Variants in DOCK3 observed in about 807,000 individuals in gnomAD.
DOCK3 encodes the protein dedicator of cytokinesis 3.
In DOCK3, 60 loss-of-function variants were observed where a neutral mutation model predicts 265.6. That is an observed-to-expected ratio of 0.23 (90% CI 0.18 to 0.28). The LOEUF is 0.28. Among genes scored for constraint, DOCK3 ranks in the 10% least tolerant of loss-of-function variants. The probability of loss-of-function intolerance (pLI) is 1.00; values close to 1 mark genes in which losing one functional copy is unlikely to be tolerated. For missense variants in DOCK3, 1,981 were observed against 2,594.3 expected (o/e 0.76, Z 5.14); for synonymous variants, 881 against 938.0 (o/e 0.94, Z 1.11).
chr3:51,172,000 A>G (rs776849812), intron 12 of DOCK3, among the ~76,000 whole-genome samples: 1 of 152,120 alleles, frequency 6.6e-6, no homozygotes, highest in Non-Finnish European at 1.5e-5. Context: ...TTATATATTT[A>G]GATGCTCTAA....
At chr3:51,039,973 A>G (rs2080418416) in intron 5 of DOCK3, among the ~76,000 whole-genome samples, 1 of 128,364 alleles carries the variant, frequency 7.8e-6, no homozygotes, top group Admixed American at 8.5e-5. Flanking sequence ...ACTACTTTTT[A>G]TATTATTAGC....
intron 3 of DOCK3, among the ~76,000 whole-genome samples, chr3:50,888,560 C>G (rs1553694547): frequency 6.6e-6 from 1 of 152,160 alleles, no homozygotes; most frequent in Non-Finnish European, 1.5e-5. Flanking sequence ...CAAGTCAATC[C>G]TAAGCCGAAA....
At chr3:51,058,590 C>T (rs1411572038) in intron 5 of DOCK3, among the ~76,000 whole-genome samples, 2 of 152,094 alleles carry the variant, frequency 1.3e-5, no homozygotes, top group East Asian at 1.9e-4. Flanking sequence ...ATACATAATA[C>T]GTATATGCCA....
At chr3:50,806,567 G>C (rs946407488) in intron 2 of DOCK3, among the ~76,000 whole-genome samples, 1 of 151,614 alleles carries the variant, frequency 6.6e-6, no homozygotes, top group Non-Finnish European at 1.5e-5. Context: ...TGTTCACCCT[G>C]GGTGGGAATG....
At chr3:51,097,637 G>A (rs772509538) in intron 9 of DOCK3, among the ~76,000 whole-genome samples, 25 of 152,200 alleles carry the variant, frequency 1.6e-4, no homozygotes, top group Non-Finnish European at 3.2e-4. Flanking sequence ...CCTCACTGGC[G>A]CTCCAGGCGC....
rs558525016 is a variant in DOCK3 at position 50,940,050 on chromosome 3, C to T, written c.315+5973C>T. On this transcript the variant is annotated intron_variant, in intron 5 of 52. Coordinates refer to ENST00000266037, the MANE Select transcript of DOCK3 (RefSeq NM_004947.5). ...GTGGTTGCAGATATCCAAACACATA[C>T]CCACAGACACACACATACACACACA... Among the ~76,000 whole-genome samples the T allele has an allele frequency of 1.9e-3, 289 of 151,934 alleles. 2 individuals carry two copies. Among genetic ancestry groups the T allele is most frequent in the African/African-American group, 6.6e-3 (273 of 41,418 alleles).
intron 22 of DOCK3, among the ~76,000 whole-genome samples, chr3:51,252,412 G>A (rs1351893670): frequency 6.6e-6 from 1 of 152,198 alleles, no homozygotes; most frequent in African/African-American, 2.4e-5. Context: ...GTCATTGGTG[G>A]CTTTATGGGG....
At chr3:51,017,885 T>C (rs75718223) in intron 5 of DOCK3, among the ~76,000 whole-genome samples, 1 of 151,892 alleles carries the variant, frequency 6.6e-6, no homozygotes, top group South Asian at 2.1e-4. Context: ...TTTCAGGTTT[T>C]CTATGTCTTT....
intron 5 of DOCK3, among the ~76,000 whole-genome samples, chr3:51,004,235 TG>T (rs1559923007): frequency 1.3e-5 from 2 of 152,116 alleles, no homozygotes; most frequent in South Asian, 4.1e-4. Flanking sequence ...TAAATCACTC[TG>T]GGGGAATCCA....
intron 10 of DOCK3, among the ~76,000 whole-genome samples, chr3:51,154,281 T>A (rs1407545199): frequency 6.6e-6 from 1 of 152,180 alleles, no homozygotes; most frequent in Non-Finnish European, 1.5e-5. Flanking sequence ...TTAAATAATA[T>A]GTTGTCCATC....
At chr3:50,813,735 A>G (rs2043899171) in intron 2 of DOCK3, among the ~76,000 whole-genome samples, 1 of 152,196 alleles carries the variant, frequency 6.6e-6, no homozygotes, top group African/African-American at 2.4e-5. Context: ...TATATTTTAC[A>G]ATGAAATAGT....
intron 38 of DOCK3, among the ~76,000 whole-genome samples, chr3:51,346,688 G>C (rs556141026): frequency 7.2e-5 from 11 of 152,280 alleles, no homozygotes; most frequent in Admixed American, 7.2e-4. Flanking sequence ...GGTATTTCTA[G>C]TTCTAGATCC....
chr3:51,331,890 C>T (rs1380648902), intron 33 of DOCK3, among the ~76,000 whole-genome samples: 2 of 152,332 alleles, frequency 1.3e-5, no homozygotes, highest in African/African-American at 4.8e-5. Flanking sequence ...AGAACATTTC[C>T]ACCTGTCCTC....
At chr3:50,680,909 A>C (rs1019855291) in intron 1 of DOCK3, among the ~76,000 whole-genome samples, 5 of 152,052 alleles carry the variant, frequency 3.3e-5, no homozygotes, top group Admixed American at 2.0e-4. Context: ...ATTTTCTCCC[A>C]TTCTGTAGAT....
At chr3:51,332,370 C>T (rs1261599193) in intron 33 of DOCK3, among the ~76,000 whole-genome samples, 1 of 152,208 alleles carries the variant, frequency 6.6e-6, no homozygotes, top group Non-Finnish European at 1.5e-5. Context: ...GTACCAGGAG[C>T]ATGGGGTTGT....
intron 2 of DOCK3, among the ~76,000 whole-genome samples, chr3:50,811,775 T>C (rs1215167911): frequency 6.6e-6 from 1 of 152,116 alleles, no homozygotes; most frequent in Non-Finnish European, 1.5e-5. Context: ...ATAAGAAATA[T>C]CTAAATATAT....
chr3:50,738,446 C>T lies in DOCK3; in HGVS notation c.38-40229C>T, dbSNP rs140770765. Among the ~76,000 whole-genome samples, 338 of 152,280 alleles carry T rather than the reference C, an allele frequency of 2.2e-3. 3 individuals carry two copies. Among genetic ancestry groups the T allele is most frequent in the African/African-American group, 7.5e-3 (312 of 41,562 alleles). On this transcript the variant is annotated intron_variant, in intron 1 of 52. Transcript: ENST00000266037. ...CCTAGAACCAGGGTTGGCCTGGCAA[C>T]GAGGTCCTCAGGGGCTGGCATGCTC... is the stretch of plus-strand genomic sequence containing the variant.
intron 1 of DOCK3, among the ~76,000 whole-genome samples, chr3:50,698,025 G>C (rs889796112): frequency 6.6e-6 from 1 of 152,040 alleles, no homozygotes; most frequent in Admixed American, 6.6e-5. Context: ...GGGTGTCGAG[G>C]TATAATTCAC....
intron 2 of DOCK3, among the ~76,000 whole-genome samples, chr3:50,820,507 TC>T (rs1265980066): frequency 6.6e-6 from 1 of 152,248 alleles, no homozygotes; most frequent in Non-Finnish European, 1.5e-5. Context: ...GTGATTTCAT[TC>T]TTTTTTTATG....
Sources: allele counts gnomAD v4.1 joint callset (sites outside exome capture counted in the v4.1 genomes callset), GRCh38; gene constraint gnomAD v4.1.1; transcripts MANE v1.5; gene names NCBI Gene and HGNC (gene_info 2026-07-23, HGNC 2026-07-21).